The following ASAH2 variants were observed in gnomAD, a reference collection of about 807,000 sequenced individuals.
ASAH2 encodes the protein N-acylsphingosine amidohydrolase 2.
ASAH2 carries 58 observed loss-of-function variants against 82.9 expected under a neutral mutation model. The observed-to-expected ratio is 0.70, with a 90% CI of 0.57 to 0.87. The LOEUF is 0.87. Among genes scored for constraint, ASAH2 ranks in the 40% least tolerant of loss-of-function variants. ASAH2 has a pLI of 0.00. For missense variants in ASAH2, 779 were observed against 834.0 expected (o/e 0.93, Z 0.81); for synonymous variants, 276 against 289.7 (o/e 0.95, Z 0.48).
In ASAH2 at chr10:50,204,899, A is replaced by C; in HGVS notation, c.1587T>G (p.Leu529=). 2 of 1,612,022 alleles carry C rather than the reference A, an allele frequency of 1.2e-6. No individual in the cohort carries two copies. Among genetic ancestry groups the C allele is most frequent in the Non-Finnish European group, 1.7e-6 (2 of 1,178,866 alleles). Reference sequence around the variant, plus strand: ...GGATGGCAGTTATGGCCAAGGACCCAAGGGTAATAATCTGAACATCAACAA... The same window carrying C: ...GGATGGCAGTTATGGCCAAGGACCCCAGGGTAATAATCTGAACATCAACAA... The part of the protein sequence containing the change: ...PDIVDVQIIT[L]GSLAITAIPG... The change falls in exon 14 of 21, where the codon CTT becomes CTG. Residue 529 remains leucine, a synonymous_variant. Coordinates refer to ENST00000682911, the MANE Select transcript of ASAH2 (RefSeq NM_019893.4).
chr10:50,250,659 T>C (rs1846590186), intron 1 of ASAH2, among the ~76,000 whole-genome samples: 1 of 152,198 alleles, frequency 6.6e-6, no homozygotes, highest in African/African-American at 2.4e-5. Context: ...CCAAGATGAC[T>C]GACAGCTGGA....
intron 8 of ASAH2, among the ~76,000 whole-genome samples, chr10:50,215,523 G>A (rs1194781490): frequency 1.3e-5 from 2 of 152,194 alleles, no homozygotes; most frequent in African/African-American, 2.4e-5. Flanking sequence ...CATATGGCTA[G>A]CCAGTTTTCC....
intron 4 of ASAH2, among the ~76,000 whole-genome samples, chr10:50,242,670 T>G (rs990574603): frequency 3.3e-5 from 5 of 152,168 alleles, no homozygotes; most frequent in East Asian, 3.9e-4. Context: ...TCCTTTTGTA[T>G]GGATGTGACA....
intron 7 of ASAH2, among the ~76,000 whole-genome samples, chr10:50,229,873 C>T (rs1207031114): frequency 1.3e-5 from 2 of 152,166 alleles, no homozygotes; most frequent in Admixed American, 6.6e-5. Context: ...ACACACCTGC[C>T]TTTCTTAGCA....
chr10:50,219,465 CA>C (rs1215881335), intron 7 of ASAH2, among the ~76,000 whole-genome samples: 14 of 152,114 alleles, frequency 9.2e-5, no homozygotes, highest in African/African-American at 3.4e-4. Context: ...TTTGTAGGCT[CA>C]AACCCTCACA....
At chr10:50,244,709 G>A (rs1179302601) in intron 3 of ASAH2, among the ~76,000 whole-genome samples, 2 of 152,190 alleles carry the variant, frequency 1.3e-5, no homozygotes, top group Non-Finnish European at 2.9e-5. Flanking sequence ...TTTTAAGTAA[G>A]AGATTTGAAT....
intron 16 of ASAH2, among the ~76,000 whole-genome samples, chr10:50,201,061 G>A (rs1317583557): frequency 2.0e-5 from 3 of 152,000 alleles, no homozygotes; most frequent in African/African-American, 7.2e-5. Flanking sequence ...AGAGAAAAGA[G>A]AAGGAGCATC....
At chr10:50,211,194 G>C (rs570538732) in intron 10 of ASAH2, 60 bp from the exon 11 acceptor site, 3 of 1,184,772 alleles carry the variant, frequency 2.5e-6, no homozygotes, top group South Asian at 2.4e-5. Flanking sequence ...ATCTCCAACT[G>C]TACTCAGGAA....
At chr10:50,241,677 G>T (rs1165959290) in intron 4 of ASAH2, among the ~76,000 whole-genome samples, 1 of 152,110 alleles carries the variant, frequency 6.6e-6, no homozygotes, top group African/African-American at 2.4e-5. Flanking sequence ...AAGAAAATGT[G>T]GCACATATAC....
intron 9 of ASAH2, among the ~76,000 whole-genome samples, chr10:50,213,775 A>T (rs1361903890): frequency 6.6e-6 from 1 of 152,162 alleles, no homozygotes; most frequent in East Asian, 1.9e-4. Flanking sequence ...TATTTTGACA[A>T]AACTAAGACT....
chr10:50,227,475 T>C (rs1845917347), intron 7 of ASAH2, among the ~76,000 whole-genome samples: 1 of 152,188 alleles, frequency 6.6e-6, no homozygotes, highest in South Asian at 2.1e-4. Flanking sequence ...TATTATATGT[T>C]CCACATAGAA....
chr10:50,224,881 C>T (rs1845839592), intron 7 of ASAH2, among the ~76,000 whole-genome samples: 1 of 152,078 alleles, frequency 6.6e-6, no homozygotes, highest in African/African-American at 2.4e-5. Flanking sequence ...AAAAGGCAAG[C>T]TAAATTTTAA....
chr10:50,246,095 C>G (rs1846450174), intron 2 of ASAH2, among the ~76,000 whole-genome samples: 1 of 152,092 alleles, frequency 6.6e-6, no homozygotes, highest in African/African-American at 2.4e-5. Context: ...CACATATATT[C>G]TATATTAATG....
intron 13 of ASAH2, 39 bp from the exon 14 acceptor site, chr10:50,204,994 ACT>A (rs1845258292): frequency 7.1e-7 from 1 of 1,414,492 alleles, no homozygotes; most frequent in African/African-American, 1.4e-5. Flanking sequence ...TAGGGATAAC[ACT>A]CTCTCTATGG....
In ASAH2 at chr10:50,234,760, C is replaced by T. The variant is rs538415332; in HGVS notation, c.688-208G>A. Among the ~76,000 whole-genome samples, 1,026 of 152,008 alleles carry T rather than the reference C, an allele frequency of 6.7e-3. 5 individuals carry two copies. The highest frequency in any genetic ancestry group is 0.023 in the African/African-American group (955 of 41,478). On this transcript the variant is annotated intron_variant, in intron 5 of 20. Transcript: ENST00000682911. ...TTCAAGGTTGAGATAAGGGAAATGC[C>T]GTGTTATACGGAAGCACAGTACTGA...
chr10:50,211,121 G>A lies in ASAH2; in HGVS notation c.1241C>T (p.Ser414Phe). The A allele has an allele frequency of 6.2e-7, 1 of 1,612,720 alleles. No individual in the cohort carries two copies. The highest frequency in any genetic ancestry group is 1.1e-5 in the South Asian group (1 of 91,058). ...TGGTCCTGTTACCTCCTGGGAGGCAGAGGCATAGAGTTCCTAGAAAACACA... is the reference window on the plus strand; with the variant it reads ...TGGTCCTGTTACCTCCTGGGAGGCAAAGGCATAGAGTTCCTAGAAAACACA... Reference protein sequence around the residue: ...MYQRAKELYASASQEVTGPLA... With the variant: ...MYQRAKELYAFASQEVTGPLA... Residue 414 changes from serine (S) to phenylalanine (F), a missense_variant, in exon 11 of 21, where the codon TCT becomes TTT. Coordinates refer to ENST00000682911, the MANE Select transcript of ASAH2 (RefSeq NM_019893.4).
chr10:50,200,479 T>C (rs1845112447), intron 16 of ASAH2, among the ~76,000 whole-genome samples: 1 of 152,046 alleles, frequency 6.6e-6, no homozygotes, highest in East Asian at 1.9e-4. Flanking sequence ...TTACTCTTTA[T>C]TTGCTTAACT....
chr10:50,205,072 T>G (rs1478670143), intron 13 of ASAH2, 117 bp from the exon 14 acceptor site: 2 of 654,894 alleles, frequency 3.1e-6, no homozygotes, highest in African/African-American at 3.7e-5. Flanking sequence ...TATTAAATAT[T>G]CTATATGGGC....
Position 50,221,679 on chromosome 10 carries a change from G to C in ASAH2, c.894-3049C>G, listed in dbSNP as rs567011867. ...TGTGTGTATAGATAGATAGATGATA[G>C]ATAGATAGATAGATGGATGGATAGA... On this transcript the variant is annotated intron_variant, in intron 7 of 20. Transcript: ENST00000682911. Among the ~76,000 whole-genome samples, 244 of 124,974 alleles carry C rather than the reference G, an allele frequency of 2.0e-3. 1 individual carries two copies. Among genetic ancestry groups the C allele is most frequent in the African/African-American group, 6.8e-3 (234 of 34,362 alleles). The allele number at this position is 124,974 out of a possible 152,430, so 82.0% of individuals were successfully genotyped here. A position where few individuals can be genotyped will look rare whatever the true frequency, so the allele number is the denominator to read the frequency against.
Sources: allele counts gnomAD v4.1 joint callset (sites outside exome capture counted in the v4.1 genomes callset), GRCh38; gene constraint gnomAD v4.1.1; transcripts MANE v1.5; gene names NCBI Gene and HGNC (gene_info 2026-07-23, HGNC 2026-07-21).